Variants in SEPTIN9 observed in about 807,000 individuals in gnomAD.
The protein encoded by SEPTIN9 is septin-9.
Under a neutral mutation model 56.6 loss-of-function variants are expected in SEPTIN9, and 13 were observed. The observed-to-expected ratio is 0.23, with a 90% CI of 0.15 to 0.37. SEPTIN9 has a LOEUF of 0.37. Ranked by LOEUF, SEPTIN9 falls within the 10% of genes least tolerant of loss-of-function variation. The probability of loss-of-function intolerance (pLI) is 1.00; values close to 1 mark genes in which losing one functional copy is unlikely to be tolerated. For synonymous variants in SEPTIN9, 332 were observed against 334.1 expected (o/e 0.99, Z 0.07); for missense variants, 650 against 823.1 (o/e 0.79, Z 2.57).
intron 2 of SEPTIN9, among the ~76,000 whole-genome samples, chr17:77,341,894 A>G (rs1235832648): frequency 6.6e-6 from 1 of 151,176 alleles, no homozygotes; most frequent in Admixed American, 6.6e-5. Context: ...CATCCTGGCT[A>G]ACACGATGAA....
chr17:77,312,719 G>A (rs1308887921), intron 2 of SEPTIN9, among the ~76,000 whole-genome samples: 1 of 152,110 alleles, frequency 6.6e-6, no homozygotes, highest in Non-Finnish European at 1.5e-5. Context: ...TTTTGCGTTG[G>A]CTAAAGAGTA....
chr17:77,473,292 T>A (rs1361281306), intron 3 of SEPTIN9, among the ~76,000 whole-genome samples: 1 of 152,230 alleles, frequency 6.6e-6, no homozygotes, highest in East Asian at 1.9e-4. Context: ...ACTTTGTGTG[T>A]GTGGTCAAAA....
intron 3 of SEPTIN9, among the ~76,000 whole-genome samples, chr17:77,431,338 C>T (rs1014744346): frequency 1.3e-5 from 2 of 152,238 alleles, no homozygotes; most frequent in African/African-American, 4.8e-5. Context: ...AAAAAACCAA[C>T]GTTTATCTTT....
At position 77,466,906 on chromosome 17, in the gene SEPTIN9, C is replaced by T. The variant is rs181980950; in HGVS notation, c.722-15238C>T. Among the ~76,000 whole-genome samples the T allele has an allele frequency of 2.0e-5, 3 of 152,230 alleles. No individual in the cohort carries two copies. The East Asian group carries it at 5.8e-4, about 29-fold the overall frequency. ...CGGTCAGCCCTGGGGTCAGTGTTCC[C>T]CTGGTGCTCAGCTCGGCCTCTGCAC... is the stretch of plus-strand genomic sequence containing the variant. On this transcript the variant is annotated intron_variant, in intron 3 of 11. Transcript: ENST00000427177.
Position 77,397,479 on chromosome 17 carries a change from C to T in SEPTIN9, c.77-4580C>T, listed in dbSNP as rs140416243. ...CCCTTTTTCCAAATAAGGTCACATTCGTGGGTTCTTGGGGTTAGGTATTAG... is the reference window on the plus strand; with the variant it reads ...CCCTTTTTCCAAATAAGGTCACATTTGTGGGTTCTTGGGGTTAGGTATTAG... On this transcript the variant is annotated intron_variant, in intron 2 of 11. Transcript: ENST00000427177. Among the ~76,000 whole-genome samples the T allele has an allele frequency of 2.6e-4, 39 of 152,258 alleles. No individual in the cohort carries two copies. The South Asian group carries it at 3.7e-3, about 15-fold the overall frequency.
At chr17:77,408,738 T>G (rs2036183971) in intron 3 of SEPTIN9, among the ~76,000 whole-genome samples, 1 of 151,846 alleles carries the variant, frequency 6.6e-6, no homozygotes, top group Non-Finnish European at 1.5e-5. Flanking sequence ...AAGTTCCTGG[T>G]GGGGATCAGG....
At chr17:77,354,967 A>T (rs371162102) in intron 2 of SEPTIN9, among the ~76,000 whole-genome samples, 1 of 152,062 alleles carries the variant, frequency 6.6e-6, no homozygotes, top group South Asian at 2.1e-4. Flanking sequence ...CCAGCCAATA[A>T]TTGGCTGAGC....
At chr17:77,482,536 G>T (rs545872574) in intron 4 of SEPTIN9, 36 of 714,458 alleles carry the variant, frequency 5.0e-5, no homozygotes, top group African/African-American at 4.2e-4. Flanking sequence ...CTCCTCAGAG[G>T]GGCCTGTCCT....
intron 2 of SEPTIN9, among the ~76,000 whole-genome samples, chr17:77,331,398 G>T (rs559541300): frequency 2.0e-5 from 3 of 151,998 alleles, no homozygotes; most frequent in African/African-American, 7.2e-5. Flanking sequence ...TATGTTTGTC[G>T]AGCGGGGGCG....
In SEPTIN9 at chr17:77,436,864, C is replaced by T. The variant is rs147139215; in HGVS notation, c.721+34161C>T. On this transcript the variant is annotated intron_variant, in intron 3 of 11. Transcript: ENST00000427177. This position sits in a 1 kb window ranked among gnomAD's most constrained non-coding sequence, Gnocchi z 4.4. ...TTTGGGGCACAGCATAAAGAACAGC[C>T]GTAAGTGTTTCTCAGGCAGGAGGGT... 2.0e-5 allele frequency among the ~76,000 whole-genome samples: 3 copies of T among 152,334 alleles called. No homozygotes were observed. The highest frequency in any genetic ancestry group is 2.1e-4 in the South Asian group (1 of 4,832).
intron 1 of SEPTIN9, chr17:77,288,306 G>A (rs983842378): frequency 4.0e-6 from 3 of 748,424 alleles, no homozygotes; most frequent in Non-Finnish European, 5.0e-6. Context: ...TTTTCCCAGC[G>A]CTGCACCTGG....
rs866231455 is a variant in SEPTIN9 at position 77,415,621 on chromosome 17, A to G, written c.721+12918A>G. 5.5e-4 allele frequency among the ~76,000 whole-genome samples: 74 copies of G among 133,692 alleles called. 1 individual carries two copies. The Middle Eastern group carries it at 0.012, about 21-fold the overall frequency. 87.7% of individuals were successfully genotyped at this position (133,692 alleles called of 152,430 possible). On this transcript the variant is annotated intron_variant, in intron 3 of 11. Coordinates refer to ENST00000427177, the MANE Select transcript of SEPTIN9 (RefSeq NM_001113491.2). ...CCAGCCTGGGTGACAGAGTGAGACT[A>G]TGTCTCAAAAAAAAAAAAAAAAAGA...
chr17:77,351,559 C>T (rs1156247276), intron 2 of SEPTIN9, among the ~76,000 whole-genome samples: 3 of 152,192 alleles, frequency 2.0e-5, no homozygotes, highest in Non-Finnish European at 4.4e-5. Flanking sequence ...TTAGGCCCTC[C>T]TCTGTGTGAG....
chr17:77,413,371 ATT>A (rs2036373648), intron 3 of SEPTIN9, among the ~76,000 whole-genome samples: 1 of 152,060 alleles, frequency 6.6e-6, no homozygotes, highest in Admixed American at 6.6e-5. Context: ...CTTAAAATTC[ATT>A]ACTATTTTTT....
At position 77,456,861 on chromosome 17, in the gene SEPTIN9, C is replaced by T. The variant is rs1355848696; in HGVS notation, c.722-25283C>T. 6.6e-6 allele frequency among the ~76,000 whole-genome samples: 1 copy of T among 152,034 alleles called. No individual in the cohort carries two copies. Among genetic ancestry groups the T allele is most frequent in the East Asian group, 1.9e-4 (1 of 5,174 alleles). On this transcript the variant is annotated intron_variant, in intron 3 of 11. Coordinates refer to ENST00000427177, the MANE Select transcript of SEPTIN9 (RefSeq NM_001113491.2). This position sits in a 1 kb window ranked among gnomAD's most constrained non-coding sequence, Gnocchi z 6.0. ...CACGGCCAATACCAGATCCCAGTGA[C>T]CAGCACTAGATGTCCACAGCCAGAG...
chr17:77,498,506 GCCCC>G lies in SEPTIN9; in HGVS notation c.1626-14_1626-11del. 1 of 505,332 alleles carries G rather than the reference GCCCC, an allele frequency of 2.0e-6. No homozygotes were observed. Among genetic ancestry groups the G allele is most frequent in the Non-Finnish European group, 2.9e-6 (1 of 341,136 alleles). 31.3% of individuals were successfully genotyped at this position (505,332 alleles called of 1,614,324 possible). A position where few individuals can be genotyped will look rare whatever the true frequency, so the allele number is the denominator to read the frequency against. ...CTGCGCCCACCTCACTGACCCGCCC[GCCCC>G]CCACCCCCACAGGACGCACATGCAG... On this transcript the variant is annotated splice_polypyrimidine_tract_variant and intron_variant, in intron 11 of 11. Transcript: ENST00000427177.
At chr17:77,407,282 C>CAAAAAA (rs58585658) in intron 3 of SEPTIN9, among the ~76,000 whole-genome samples, 2 of 44,594 alleles carry the variant, frequency 4.5e-5, no homozygotes, top group Non-Finnish European at 8.8e-5. Flanking sequence ...GACCCTGTCT[C>CAAAAAA]AAAAAAAAAA....
At chr17:77,496,320 C>T (rs998015983) in intron 10 of SEPTIN9, 9 of 152,188 alleles carry the variant, frequency 5.9e-5, no homozygotes, top group African/African-American at 1.9e-4. Flanking sequence ...AGCCGTGGTG[C>T]CCAGCGTCTA....
rs772446190 is a variant in SEPTIN9 at position 77,415,627 on chromosome 17, C to CAA, written c.721+12940_721+12941dup. Among the ~76,000 whole-genome samples, 220 of 63,174 alleles carry CAA rather than the reference C, an allele frequency of 3.5e-3. 1 individual carries two copies. The highest frequency in any genetic ancestry group is 0.011 in the East Asian group (29 of 2,750). 41.4% of individuals were successfully genotyped at this position (63,174 alleles called of 152,430 possible). On this transcript the variant is annotated intron_variant, in intron 3 of 11. Transcript: ENST00000427177. ...TGGGTGACAGAGTGAGACTATGTCT[C>CAA]AAAAAAAAAAAAAAAAAGAAAAAAA... is the stretch of plus-strand genomic sequence containing the variant.
Sources: gnomAD v4.1 joint callset for allele counts (sites outside exome capture counted in the v4.1 genomes callset) on GRCh38, gnomAD v4.1.1 for gene constraint, Gnocchi (gnomAD v3.1) non-coding constraint, MANE v1.5 for transcripts, NCBI Gene and HGNC (gene_info 2026-07-23, HGNC 2026-07-21) for gene names.